UGGT2: variants seen among roughly 807,000 people sequenced by gnomAD.
UGGT2 encodes UDP-glucose:glycoprotein glucosyltransferase 2.
In UGGT2, 180 loss-of-function variants were observed where a neutral mutation model predicts 192.1. The ratio of observed to expected loss-of-function variants is 0.94; its 90% CI spans 0.83 to 1.06. The LOEUF is 1.06. Ranked by LOEUF, UGGT2 falls within the 50% of genes least tolerant of loss-of-function variation. The probability of loss-of-function intolerance (pLI) is 0.00; values close to 1 mark genes in which losing one functional copy is unlikely to be tolerated. For missense variants in UGGT2, 1,849 were observed against 1,795.7 expected (o/e 1.03, Z -0.54); for synonymous variants, 580 against 591.0 (o/e 0.98, Z 0.27).
chr13:96,029,812 A>G (rs1294545294), intron 2 of UGGT2, among the ~76,000 whole-genome samples: 1 of 152,208 alleles, frequency 6.6e-6, no homozygotes, highest in East Asian at 1.9e-4. Flanking sequence ...AATTTTTAAG[A>G]TTGCGTCTCC....
intron 7 of UGGT2, 130 bp from the exon 8 acceptor site, chr13:95,990,203 TA>T (rs2051413957): frequency 2.0e-6 from 1 of 494,188 alleles, no homozygotes; most frequent in South Asian, 3.8e-5. Flanking sequence ...AAGATAATCA[TA>T]AATTGTGATA....
chr13:96,030,438 A>T (rs1254348203), intron 2 of UGGT2, among the ~76,000 whole-genome samples: 1 of 152,214 alleles, frequency 6.6e-6, no homozygotes, highest in Non-Finnish European at 1.5e-5. Flanking sequence ...TCAGGAAAAA[A>T]TTTTGAAAGG....
At chr13:95,992,120 T>C (rs2051476373) in intron 7 of UGGT2, among the ~76,000 whole-genome samples, 1 of 151,866 alleles carries the variant, frequency 6.6e-6, no homozygotes, top group African/African-American at 2.4e-5. Context: ...CCGAGATGGC[T>C]CCCCTGCACT....
intron 20 of UGGT2, among the ~76,000 whole-genome samples, chr13:95,914,055 C>G (rs2048595246): frequency 6.6e-6 from 1 of 151,692 alleles, no homozygotes; most frequent in South Asian, 2.1e-4. Context: ...GACACAGGGC[C>G]TTGGACACAG....
At chr13:95,826,796 C>T (rs1886091040) in intron 38 of UGGT2, among the ~76,000 whole-genome samples, 1 of 130,838 alleles carries the variant, frequency 7.6e-6, no homozygotes, top group African/African-American at 2.6e-5. Context: ...CTCTGACCAT[C>T]CCACACAGCC....
At chr13:96,030,987 A>C (rs144932772) in intron 2 of UGGT2, among the ~76,000 whole-genome samples, 1 of 152,242 alleles carries the variant, frequency 6.6e-6, no homozygotes, top group Non-Finnish European at 1.5e-5. Flanking sequence ...GTCAGTATAC[A>C]TTAGTCCAAA....
At chr13:95,852,463 T>A (rs556024417) in intron 36 of UGGT2, among the ~76,000 whole-genome samples, 1 of 152,260 alleles carries the variant, frequency 6.6e-6, no homozygotes, top group East Asian at 1.9e-4. Context: ...GAACTCTCTA[T>A]CATGCTTTCA....
chr13:96,036,841 C>T (rs2139180885), intron 1 of UGGT2, among the ~76,000 whole-genome samples: 2 of 152,194 alleles, frequency 1.3e-5, no homozygotes, highest in Admixed American at 1.3e-4. Flanking sequence ...CTTACTTTAG[C>T]CTGGGAGGTC....
intron 8 of UGGT2, among the ~76,000 whole-genome samples, 198 bp downstream of exon 8, chr13:95,989,775 C>A (rs2051401430): frequency 6.6e-6 from 1 of 151,968 alleles, no homozygotes; most frequent in Non-Finnish European, 1.5e-5. Context: ...AATTTTAAGT[C>A]TTGCAAATAT....
intron 38 of UGGT2, among the ~76,000 whole-genome samples, chr13:95,807,684 G>T: frequency 7.7e-6 from 1 of 129,988 alleles, no homozygotes; most frequent in South Asian, 2.6e-4. Flanking sequence ...ATTTCTTCTA[G>T]AAATCCGTAT....
At chr13:95,922,116 A>G (rs2048863414) in intron 20 of UGGT2, among the ~76,000 whole-genome samples, 1 of 152,238 alleles carries the variant, frequency 6.6e-6, no homozygotes, top group East Asian at 1.9e-4. Context: ...AAATCAATCT[A>G]CACATTGATT....
chr13:95,999,074 A>G, intron 6 of UGGT2, 137 bp downstream of exon 6: 1 of 528,850 alleles, frequency 1.9e-6, no homozygotes, highest in Non-Finnish European at 3.3e-6. Flanking sequence ...TCCAAATTTT[A>G]ATGAAGAATA....
chr13:95,921,041 C>A (rs1179045009), intron 20 of UGGT2, among the ~76,000 whole-genome samples: 2 of 152,050 alleles, frequency 1.3e-5, no homozygotes, highest in African/African-American at 4.8e-5. Flanking sequence ...ACATCCTTTG[C>A]AGGGACACAG....
intron 26 of UGGT2, among the ~76,000 whole-genome samples, chr13:95,885,927 TAAG>T (rs2047633210): frequency 6.6e-6 from 1 of 151,600 alleles, no homozygotes; most frequent in Non-Finnish European, 1.5e-5. Flanking sequence ...GAAATTTAGT[TAAG>T]AAGGAATGAA....
Position 96,013,466 on chromosome 13 carries a change from T to C in UGGT2, c.501A>G (p.Leu167=), listed in dbSNP as rs778452538. 2 of 1,581,838 alleles carry C rather than the reference T, an allele frequency of 1.3e-6. No homozygotes were observed. Among genetic ancestry groups the C allele is most frequent in the Non-Finnish European group, 1.7e-6 (2 of 1,168,662 alleles). Residue 167 remains leucine, a synonymous_variant, in exon 5 of 39, where the codon CTA becomes CTG. Transcript: ENST00000376747. ...TAGGAAATTTGTGATCTCCTTTAAA[T>C]AGATAAGGTCTAGTCCTAAGATAAA... ...KKAASRTRPY[L]FKGDHKFPTN... is the part of the protein sequence containing the mutation.
At chr13:95,936,308 G>T (rs9525091) in intron 17 of UGGT2, among the ~76,000 whole-genome samples, 44,750 of 152,144 alleles carry the variant, frequency 0.29, 7,156 homozygotes, top group Admixed American at 0.36. Flanking sequence ...ACTTTGGGCT[G>T]TGTGGTTTGA....
intron 29 of UGGT2, among the ~76,000 whole-genome samples, chr13:95,869,949 A>G (rs1267319026): frequency 6.6e-6 from 1 of 152,236 alleles, no homozygotes; most frequent in African/African-American, 2.4e-5. Flanking sequence ...GTCTCCTGAA[A>G]TTCTAAAAAA....
intron 22 of UGGT2, 115 bp downstream of exon 22, chr13:95,900,692 A>C (rs1452226632): frequency 8.4e-7 from 1 of 1,185,836 alleles, no homozygotes; most frequent in East Asian, 2.6e-5. Context: ...TCTTCAGCTC[A>C]TGAACACCGT....
intron 4 of UGGT2, 93 bp from the exon 5 acceptor site, chr13:96,013,574 T>C (rs1673390749): frequency 2.5e-6 from 2 of 795,312 alleles, no homozygotes; most frequent in South Asian, 4.2e-5. Flanking sequence ...CAATTCATAA[T>C]ATACATAATC....
Sources: allele counts gnomAD v4.1 joint callset (sites outside exome capture counted in the v4.1 genomes callset), GRCh38; gene constraint gnomAD v4.1.1; transcripts MANE v1.5; gene names NCBI Gene and HGNC (gene_info 2026-07-23, HGNC 2026-07-21).